Variants in FOXN3 observed in about 807,000 individuals in gnomAD.
FOXN3 encodes the protein forkhead box protein N3.
FOXN3 carries 7 observed loss-of-function variants against 38.4 expected under a neutral mutation model. That is an observed-to-expected ratio of 0.18 (90% CI 0.10 to 0.34). FOXN3 has a LOEUF of 0.34. Among genes scored for constraint, FOXN3 ranks in the 10% least tolerant of loss-of-function variants. FOXN3 has a pLI of 1.00. For missense variants in FOXN3, 456 were observed against 613.4 expected (o/e 0.74, Z 2.71); for synonymous variants, 230 against 242.2 (o/e 0.95, Z 0.47).
At position 89,235,081 on chromosome 14, in the gene FOXN3, CCT is replaced by C. The variant is rs1447840523; in HGVS notation, c.745+45867_745+45868del. Among the ~76,000 whole-genome samples the C allele has an allele frequency of 5.3e-5, 8 of 152,276 alleles. No individual in the cohort carries two copies. In the East Asian group the frequency reaches 1.3e-3, roughly 26 times the overall value. On this transcript the variant is annotated intron_variant, in intron 4 of 5. Transcript: ENST00000557258. ...TCTGCCCACTCTCTGGCAACTGCCC[CCT>C]GAGAGCGTGGGCTATTTCTTATTTA... is the stretch of plus-strand genomic sequence containing the variant.
intron 1 of FOXN3, among the ~76,000 whole-genome samples, chr14:89,555,926 T>C (rs57427384): frequency 0.034 from 4,937 of 146,898 alleles, 268 homozygotes; most frequent in African/African-American, 0.12. Flanking sequence ...GTGCAAGTGT[T>C]GGTACTACAT....
At chr14:89,452,202 G>A (rs550432824) in intron 1 of FOXN3, among the ~76,000 whole-genome samples, 22 of 152,166 alleles carry the variant, frequency 1.4e-4, no homozygotes, top group African/African-American at 5.3e-4. Flanking sequence ...GTATCCTACG[G>A]GGCAGAAGGA....
At position 89,380,837 on chromosome 14, in the gene FOXN3, T is replaced by G. The variant is rs555523142; in HGVS notation, c.544-30029A>C. Reference sequence around the variant, plus strand: ...TGCCCAGAGCTCTACATGTTAAGACTCAAATCAGGCCAGGTGTGGTCAGGC... The same window carrying G: ...TGCCCAGAGCTCTACATGTTAAGACGCAAATCAGGCCAGGTGTGGTCAGGC... On this transcript the variant is annotated intron_variant, in intron 2 of 5. Transcript: ENST00000557258. Among the ~76,000 whole-genome samples, 15 of 152,152 alleles carry G rather than the reference T, an allele frequency of 9.9e-5. No homozygotes were observed. The South Asian group carries it at 3.1e-3, about 32-fold the overall frequency.
At chr14:89,357,403 T>A (rs765828628) in intron 2 of FOXN3, among the ~76,000 whole-genome samples, 2 of 151,802 alleles carry the variant, frequency 1.3e-5, no homozygotes, top group African/African-American at 2.4e-5. Flanking sequence ...GGTCAGGAGT[T>A]CAAGACCAGC....
intron 4 of FOXN3, among the ~76,000 whole-genome samples, chr14:89,212,915 C>A (rs976245916): frequency 6.6e-6 from 1 of 152,058 alleles, no homozygotes; most frequent in African/African-American, 2.4e-5. Context: ...TAAAGAGATA[C>A]GTTATAAAAA....
chr14:89,287,069 G>A (rs575415882), intron 3 of FOXN3, among the ~76,000 whole-genome samples: 15 of 152,220 alleles, frequency 9.9e-5, no homozygotes, highest in Middle Eastern at 3.4e-3. Context: ...CCTGCAAGCC[G>A]GGGGCAATGT....
intron 1 of FOXN3, among the ~76,000 whole-genome samples, chr14:89,550,758 A>G (rs1043777539): frequency 6.6e-6 from 1 of 152,200 alleles, no homozygotes; most frequent in South Asian, 2.1e-4. Flanking sequence ...AAACACAGAA[A>G]TGGTATAACT....
chr14:89,602,565 C>T (rs1480172917), intron 1 of FOXN3, among the ~76,000 whole-genome samples: 2 of 151,868 alleles, frequency 1.3e-5, no homozygotes, highest in East Asian at 2.0e-4. Flanking sequence ...GGCGCGATCT[C>T]GGCTCACTGC....
At chr14:89,281,885 A>T (rs1886474347) in intron 3 of FOXN3, among the ~76,000 whole-genome samples, 1 of 152,216 alleles carries the variant, frequency 6.6e-6, no homozygotes, top group African/African-American at 2.4e-5. Context: ...AGTACATGAC[A>T]AATTATATTG....
chr14:89,562,945 T>C (rs547094026), intron 1 of FOXN3, among the ~76,000 whole-genome samples: 4 of 152,158 alleles, frequency 2.6e-5, no homozygotes, highest in Admixed American at 6.5e-5. Context: ...GAGTGGTCAG[T>C]GAGAATTTTA....
intron 1 of FOXN3, among the ~76,000 whole-genome samples, chr14:89,585,132 C>T (rs1311615283): frequency 2.0e-5 from 3 of 152,184 alleles, no homozygotes; most frequent in Non-Finnish European, 4.4e-5. Flanking sequence ...GTATAAGCCC[C>T]TAGACCCACA....
chr14:89,186,099 C>A (rs1055951506), intron 4 of FOXN3, among the ~76,000 whole-genome samples: 2 of 152,208 alleles, frequency 1.3e-5, no homozygotes, highest in East Asian at 1.9e-4. Flanking sequence ...CTCTCAGAGG[C>A]CATAAGCTGA....
At chr14:89,402,510 T>C (rs578252030) in intron 2 of FOXN3, among the ~76,000 whole-genome samples, 1 of 152,208 alleles carries the variant, frequency 6.6e-6, no homozygotes, top group African/African-American at 2.4e-5. Flanking sequence ...AACTTGGGGT[T>C]CCAATGGATC....
chr14:89,602,656 C>T (rs1272113781), intron 1 of FOXN3, among the ~76,000 whole-genome samples: 3 of 151,784 alleles, frequency 2.0e-5, no homozygotes. Flanking sequence ...GCCACCACAC[C>T]TGGCTAATTT....
chr14:89,246,200 T>C (rs1378584822), intron 4 of FOXN3, among the ~76,000 whole-genome samples: 1 of 152,218 alleles, frequency 6.6e-6, no homozygotes, highest in Non-Finnish European at 1.5e-5. Context: ...AGTTACCATT[T>C]TCATCAACCC....
At chr14:89,174,210 C>T (rs145998435) in intron 5 of FOXN3, among the ~76,000 whole-genome samples, 68 of 152,240 alleles carry the variant, frequency 4.5e-4, no homozygotes, top group African/African-American at 1.6e-3. Flanking sequence ...CTCTTCCCTA[C>T]CTTTTTCACA....
intron 2 of FOXN3, among the ~76,000 whole-genome samples, chr14:89,392,964 G>A (rs534896879): frequency 1.6e-4 from 24 of 152,068 alleles, no homozygotes; most frequent in African/African-American, 4.8e-4. Context: ...GTACCACCAC[G>A]CCCGGCTAAT....
At chr14:89,288,660 G>GCTC (rs1566947472) in intron 3 of FOXN3, among the ~76,000 whole-genome samples, 1,280 of 43,794 alleles carry the variant, frequency 0.029, 133 homozygotes, top group East Asian at 0.1. Context: ...GGCTGTAATA[G>GCTC]GCACTCTCTT....
chr14:89,410,732 G>T (rs1312284092), intron 2 of FOXN3, among the ~76,000 whole-genome samples: 7 of 151,976 alleles, frequency 4.6e-5, no homozygotes, highest in Non-Finnish European at 8.8e-5. Flanking sequence ...AATTAGCAGG[G>T]TGTAGTGGCA....
Sources: allele counts gnomAD v4.1 joint callset (sites outside exome capture counted in the v4.1 genomes callset), GRCh38; gene constraint gnomAD v4.1.1; transcripts MANE v1.5; gene names NCBI Gene and HGNC (gene_info 2026-07-23, HGNC 2026-07-21).